The following ASTN1 variants were observed in gnomAD, a reference collection of about 807,000 sequenced individuals.
ASTN1 encodes astrotactin-1.
ASTN1 carries 41 observed loss-of-function variants against 140.7 expected under a neutral mutation model. The observed-to-expected ratio is 0.29, with a 90% CI of 0.23 to 0.38. ASTN1 has a LOEUF of 0.38. Ranked by LOEUF, ASTN1 falls within the 10% of genes least tolerant of loss-of-function variation. ASTN1 has a pLI of 1.00. For missense variants in ASTN1, 1,479 were observed against 1,678.8 expected (o/e 0.88, Z 2.08); for synonymous variants, 640 against 652.2 (o/e 0.98, Z 0.29).
intron 9 of ASTN1, among the ~76,000 whole-genome samples, chr1:176,962,312 C>A (rs751655237): frequency 6.6e-6 from 1 of 152,208 alleles, no homozygotes; most frequent in Non-Finnish European, 1.5e-5. Context: ...TTGAGTCTAG[C>A]TTTGGCCCTT....
chr1:176,983,683 T>G (rs2142757), intron 8 of ASTN1, among the ~76,000 whole-genome samples: 24,325 of 152,168 alleles, frequency 0.16, 2,032 homozygotes, highest in Admixed American at 0.19. Flanking sequence ...TGAGGATGTT[T>G]CCTTGCGTGG....
chr1:177,084,871 C>T lies in ASTN1; in HGVS notation c.284-23606G>A, dbSNP rs73047069. 9.4e-3 allele frequency among the ~76,000 whole-genome samples: 1,425 copies of T among 151,606 alleles called. 23 individuals are homozygous for T. The highest frequency in any genetic ancestry group is 0.033 in the African/African-American group (1,369 of 41,354). ...ATAAGCTTGTGAATTTGTTTTTTCT[C>T]TTCATGTTCCCATTCACTTCTTAAC... On this transcript the variant is annotated intron_variant, in intron 1 of 22. Coordinates refer to ENST00000361833, the MANE Select transcript of ASTN1 (RefSeq NM_004319.3).
At chr1:177,127,293 A>G (rs559790843) in intron 1 of ASTN1, among the ~76,000 whole-genome samples, 1 of 152,278 alleles carries the variant, frequency 6.6e-6, no homozygotes, top group Non-Finnish European at 1.5e-5. Flanking sequence ...TCTCTCTTCT[A>G]TAAAAATATT....
At chr1:177,133,039 G>C (rs1682015167) in intron 1 of ASTN1, among the ~76,000 whole-genome samples, 1 of 152,166 alleles carries the variant, frequency 6.6e-6, no homozygotes. Context: ...TAATTTTAAA[G>C]ATAGCCTTTA....
chr1:176,879,368 C>T (rs539245411), intron 20 of ASTN1, among the ~76,000 whole-genome samples: 1 of 152,306 alleles, frequency 6.6e-6, no homozygotes, highest in East Asian at 1.9e-4. Context: ...CTATGTGCAG[C>T]TCTGGGCCAC....
intron 11 of ASTN1, among the ~76,000 whole-genome samples, chr1:176,957,282 G>A (rs1223541844): frequency 2.0e-5 from 3 of 152,078 alleles, no homozygotes; most frequent in Admixed American, 2.0e-4. Flanking sequence ...TGGTCACAGA[G>A]GGGACAAAGT....
At position 177,068,234 on chromosome 1, in the gene ASTN1, C is replaced by A. The variant is rs75877920; in HGVS notation, c.284-6969G>T. Among the ~76,000 whole-genome samples, 1,182 of 152,312 alleles carry A rather than the reference C, an allele frequency of 7.8e-3. 18 individuals carry two copies. Among genetic ancestry groups the A allele is most frequent in the African/African-American group, 0.027 (1,132 of 41,564 alleles). On this transcript the variant is annotated intron_variant, in intron 1 of 22. Transcript: ENST00000361833. ...GAGCTGCTTCCTCTCATCTCATTCT[C>A]ATTCCTCTTTCTCCAAACAGGCTTG...
Position 176,894,568 on chromosome 1 carries a change from G to T in ASTN1, c.2934C>A (p.Thr978=). 6.2e-7 allele frequency: 1 copy of T among 1,613,882 alleles called. No individual in the cohort carries two copies. ...PIYELVTNNQ[T]QRLLQEATMS... is the part of the protein sequence containing the mutation. The stretch of plus-strand genomic sequence containing the variant: ...AGAGTCCCAGGCCTCTTACCCTCTG[G>T]GTCTGGTTGTTGGTCACTAGTTCAT... The change falls in exon 17 of 23, where the codon ACC becomes ACA. Residue 978 remains threonine, a synonymous_variant. Coordinates refer to ENST00000361833, the MANE Select transcript of ASTN1 (RefSeq NM_004319.3).
At chr1:176,907,737 C>G (rs72718647) in intron 16 of ASTN1, among the ~76,000 whole-genome samples, 2 of 152,288 alleles carry the variant, frequency 1.3e-5, no homozygotes, top group Non-Finnish European at 2.9e-5. Flanking sequence ...CCCTACAACA[C>G]AGAACACAGG....
At chr1:177,101,107 T>A (rs1206835935) in intron 1 of ASTN1, among the ~76,000 whole-genome samples, 9 of 152,070 alleles carry the variant, frequency 5.9e-5, no homozygotes, top group East Asian at 1.9e-4. Context: ...ATAAAAAAAA[T>A]TTAAAAAAGT....
intron 8 of ASTN1, among the ~76,000 whole-genome samples, chr1:177,008,224 G>C (rs1453921456): frequency 3.9e-5 from 6 of 152,152 alleles, no homozygotes; most frequent in African/African-American, 1.2e-4. Context: ...GTTTCTGCTA[G>C]AATCAGGTTT....
chr1:177,021,279 A>G (rs1158583795), intron 7 of ASTN1, among the ~76,000 whole-genome samples: 1 of 152,182 alleles, frequency 6.6e-6, no homozygotes, highest in Non-Finnish European at 1.5e-5. Flanking sequence ...AAATTCATTC[A>G]TGGTCACAGA....
chr1:176,864,597 A>G (rs1157707343), intron 22 of ASTN1, 76 bp from the exon 23 acceptor site: 3 of 1,558,062 alleles, frequency 1.9e-6, no homozygotes, highest in Non-Finnish European at 8.7e-7. Flanking sequence ...TGTTAGTGTG[A>G]GACTCTAAAC....
Position 177,157,056 on chromosome 1 carries a change from T to G in ASTN1, c.283+7338A>C, listed in dbSNP as rs376358538. ...AGCGTAAGAAGATGTGATGACTAAG[T>G]GTACTGTGGTACCCTGGGTGAGATC... On this transcript the variant is annotated intron_variant, in intron 1 of 22. Coordinates refer to ENST00000361833, the MANE Select transcript of ASTN1 (RefSeq NM_004319.3). 4.6e-5 allele frequency among the ~76,000 whole-genome samples: 7 copies of G among 152,320 alleles called. No homozygotes were observed. The East Asian group carries it at 1.2e-3, about 25-fold the overall frequency.
chr1:176,915,750 C>G (rs1670451897), intron 16 of ASTN1, among the ~76,000 whole-genome samples: 1 of 152,138 alleles, frequency 6.6e-6, no homozygotes, highest in African/African-American at 2.4e-5. Context: ...CGGTGTGATG[C>G]GGGGAGGAGA....
chr1:177,087,970 C>T (rs1326980773), intron 1 of ASTN1, among the ~76,000 whole-genome samples: 7 of 152,200 alleles, frequency 4.6e-5, no homozygotes, highest in Non-Finnish European at 1.0e-4. Flanking sequence ...CAGTTGAGCT[C>T]TACGTCCTGG....
intron 11 of ASTN1, among the ~76,000 whole-genome samples, chr1:176,953,996 T>G (rs1356784639): frequency 1.3e-5 from 2 of 152,190 alleles, no homozygotes; most frequent in Non-Finnish European, 2.9e-5. Context: ...AAATTTTATA[T>G]GAAACCTCAA....
chr1:176,947,411 T>C (rs1020225611), intron 12 of ASTN1, among the ~76,000 whole-genome samples: 5 of 152,234 alleles, frequency 3.3e-5, no homozygotes, highest in Non-Finnish European at 5.9e-5. Context: ...TAGAGCTCTT[T>C]AATTATAAAT....
chr1:177,040,354 G>A (rs994701518), intron 2 of ASTN1, among the ~76,000 whole-genome samples: 1 of 152,152 alleles, frequency 6.6e-6, no homozygotes, highest in Non-Finnish European at 1.5e-5. Context: ...ATGCCCCACT[G>A]GCAGGGCCCA....
Sources: allele counts gnomAD v4.1 joint callset (sites outside exome capture counted in the v4.1 genomes callset), GRCh38; gene constraint gnomAD v4.1.1; transcripts MANE v1.5; gene names NCBI Gene and HGNC (gene_info 2026-07-23, HGNC 2026-07-21).